ZCCHC2: variants seen among roughly 807,000 people sequenced by gnomAD.
ZCCHC2 encodes the protein zinc finger CCHC-type containing 2.
Under a neutral mutation model 103.6 loss-of-function variants are expected in ZCCHC2, and 39 were observed. The observed-to-expected ratio is 0.38, with a 90% CI of 0.29 to 0.49. The LOEUF is 0.49. Among genes scored for constraint, ZCCHC2 ranks in the 20% least tolerant of loss-of-function variants. ZCCHC2 has a pLI of 0.96. For missense variants in ZCCHC2, 1,483 were observed against 1,491.0 expected, an observed-to-expected ratio of 0.99 and a Z score of 0.09; for synonymous variants, 687 against 608.9, an observed-to-expected ratio of 1.13 and a Z score of -1.89.
At chr18:62,543,323 C>T (rs1915280205) in intron 3 of ZCCHC2, among the ~76,000 whole-genome samples, 1 of 152,148 alleles carries the variant, frequency 6.6e-6, no homozygotes, top group African/African-American at 2.4e-5. Context: ...ATACTCTGCC[C>T]TCGTACCTTT....
Position 62,575,562 on chromosome 18 carries a change from A to C in ZCCHC2, c.3469+12A>C, listed in dbSNP as rs76880909. On this transcript the variant is annotated intron_variant, in intron 13 of 13. Transcript: ENST00000269499. ...GGCCAATCAACAAGGTAATCACAAT[A>C]ACTCCCAGAGGACTTGTTTTTGAGT... is the stretch of plus-strand genomic sequence containing the variant. 0.021 allele frequency: 33,578 copies of C among 1,608,986 alleles called. 415 individuals carry two copies. Among genetic ancestry groups the C allele is most frequent in the Non-Finnish European group, 0.024 (28,128 of 1,176,466 alleles).
exon 15 of ZCCHC2, chr18:62,585,688 A>T (rs1461371387): frequency 6.6e-6 from 1 of 152,266 alleles, no homozygotes. Flanking sequence ...CTCGCGTTGT[A>T]GAGTAGTTGC....
chr18:62,528,862 A>C (rs945028095), intron 1 of ZCCHC2, among the ~76,000 whole-genome samples: 1 of 151,878 alleles, frequency 6.6e-6, no homozygotes, highest in African/African-American at 2.4e-5. Context: ...AGCAGGCACT[A>C]AAAAAGATGA....
downstream of ZCCHC2, among the ~76,000 whole-genome samples, chr18:62,579,727 C>CT (rs1011483805): frequency 2.6e-3 from 387 of 150,756 alleles, 1 homozygote; most frequent in African/African-American, 7.9e-3. Context: ...TTAGTCTTTT[C>CT]TTTTTTTTTT....
chr18:62,555,248 TTTTAC>T lies in ZCCHC2; in HGVS notation c.1314-954_1314-950del, dbSNP rs1472667192. On this transcript the variant is annotated intron_variant, in intron 5 of 13. Coordinates refer to ENST00000269499, the MANE Select transcript of ZCCHC2 (RefSeq NM_017742.6). ...GCTCTAATTCTTTGCCCAAGAGCCCTTTTACAGGTACCACTGTCGGGAAGACCTCC... is the reference window on the plus strand; with the variant it reads ...GCTCTAATTCTTTGCCCAAGAGCCCTAGGTACCACTGTCGGGAAGACCTCC... Among the ~76,000 whole-genome samples, 3 of 152,186 alleles carry T rather than the reference TTTTAC, an allele frequency of 2.0e-5. No individual in the cohort carries two copies. In the East Asian group the frequency reaches 5.8e-4, roughly 29 times the overall value.
In ZCCHC2 at chr18:62,574,579, A is replaced by G; in HGVS notation, c.2498A>G (p.Gln833Arg). ...SSESCTVNIPQQPPGSLSIAS... is the reference protein window; with the variant it reads ...SSESCTVNIPRQPPGSLSIAS... ...GAGAGCTGCACAGTTAACATCCCAC[A>G]ACAACCACCCGGAAGCCTGAGCATC... The change falls in exon 13 of 14, where the codon CAA becomes CGA. Residue 833 changes from glutamine (Q) to arginine (R), a missense_variant. Gln to Arg is a conservative substitution (Grantham distance 43). Coordinates refer to ENST00000269499, the MANE Select transcript of ZCCHC2 (RefSeq NM_017742.6). 1 of 1,613,904 alleles carries G rather than the reference A, an allele frequency of 6.2e-7. No individual in the cohort carries two copies. The highest frequency in any genetic ancestry group is 8.5e-7 in the Non-Finnish European group (1 of 1,179,872).
intron 1 of ZCCHC2, among the ~76,000 whole-genome samples, chr18:62,531,684 C>T (rs891052815): frequency 2.6e-5 from 4 of 151,594 alleles, no homozygotes; most frequent in Non-Finnish European, 5.9e-5. Flanking sequence ...CGGTGGCTCA[C>T]GCCTGTAATC....
At position 62,565,934 on chromosome 18, in the gene ZCCHC2, T is replaced by C. The variant is rs75546709; in HGVS notation, c.1846+838T>C. ...ACTGAATAGTGATGAAGAAAAAAAA[T>C]AGTTACCTTTTGAATCTGAAATAAT... is the stretch of plus-strand genomic sequence containing the variant. On this transcript the variant is annotated intron_variant, in intron 11 of 13. Transcript: ENST00000269499. Among the ~76,000 whole-genome samples, 1,298 of 152,182 alleles carry C rather than the reference T, an allele frequency of 8.5e-3. 19 individuals carry two copies. Among genetic ancestry groups the C allele is most frequent in the African/African-American group, 0.03 (1,251 of 41,492 alleles).
Position 62,523,412 on chromosome 18 carries a change from G to A in ZCCHC2, c.-13G>A. 2.2e-6 allele frequency: 2 copies of A among 918,754 alleles called. No individual in the cohort carries two copies. The highest frequency in any genetic ancestry group is 2.6e-6 in the Non-Finnish European group (2 of 758,986). The allele number at this position is 918,754 out of a possible 1,614,324, so 56.9% of individuals were successfully genotyped here. On this transcript the variant is annotated 5_prime_UTR_variant, in exon 1 of 14. Coordinates refer to ENST00000269499, the MANE Select transcript of ZCCHC2 (RefSeq NM_017742.6). The stretch of plus-strand genomic sequence containing the variant: ...CCGCCCCCGCTCGCATGTCTGCGCC[G>A]CCCTAGCCGAGGATGCTGAGGATGA...
intron 14 of ZCCHC2, among the ~76,000 whole-genome samples, chr18:62,583,749 T>C (rs939171397): frequency 6.6e-6 from 1 of 151,444 alleles, no homozygotes; most frequent in Admixed American, 6.6e-5. Context: ...GTGTGAGATA[T>C]GAAGAAATGG....
chr18:62,538,742 G>A (rs973422257), intron 1 of ZCCHC2, among the ~76,000 whole-genome samples: 2 of 152,168 alleles, frequency 1.3e-5, no homozygotes, highest in Non-Finnish European at 2.9e-5. Flanking sequence ...TTACTGTCGG[G>A]TCGGGATGTG....
rs142422088 is a variant in ZCCHC2 at position 62,553,156 on chromosome 18, ATGTGTGTGTGTGTGTG to A, written c.1313+2728_1313+2743del. Among the ~76,000 whole-genome samples the A allele has an allele frequency of 4.3e-3, 605 of 139,850 alleles. 2 individuals carry two copies. Among genetic ancestry groups the A allele is most frequent in the South Asian group, 9.4e-3 (39 of 4,128 alleles). The allele number at this position is 139,850 out of a possible 152,430, so 91.7% of individuals were successfully genotyped here. A position where few individuals can be genotyped will look rare whatever the true frequency, so the allele number is the denominator to read the frequency against. ...TGTGCACATACATGCCCTTAGATTT[ATGTGTGTGTGTGTGTG>A]TGTGTGTGTGTGTGTGTGTGTGTGT... On this transcript the variant is annotated intron_variant, in intron 5 of 13. Transcript: ENST00000269499.
chr18:62,552,841 GAT>G (rs1159698849), intron 5 of ZCCHC2, among the ~76,000 whole-genome samples: 1 of 150,182 alleles, frequency 6.7e-6, no homozygotes, highest in Non-Finnish European at 1.5e-5. Context: ...AGTGAGCTAT[GAT>G]TGCACCTCTG....
intron 1 of ZCCHC2, among the ~76,000 whole-genome samples, chr18:62,527,587 G>T (rs1460449031): frequency 3.9e-5 from 6 of 152,160 alleles, no homozygotes; most frequent in Admixed American, 3.9e-4. Flanking sequence ...TTTTTTAGGA[G>T]GCTTGTACAT....
Position 62,523,899 on chromosome 18 carries a change from G to T in ZCCHC2, c.475G>T (p.Gly159Trp). The T allele has an allele frequency of 6.5e-7, 1 of 1,539,034 alleles. No individual in the cohort carries two copies. The change falls in exon 1 of 14, where the codon GGG becomes TGG. Residue 159 changes from glycine to tryptophan, a missense_variant. By Grantham distance (184) the Gly-to-Trp change is radical. Around this residue, in one of 3 missense-constraint regions of ZCCHC2, gnomAD observed 568 missense variants for 525.1 expected, o/e 1.08. Coordinates refer to ENST00000269499, the MANE Select transcript of ZCCHC2 (RefSeq NM_017742.6). ...CAAGGCCAACGGCCTCTCGGACCCG[G>T]GGCCGCTGGCCGACTTCCGAGAGCC... ...EAKANGLSDP[G>W]PLADFREPAV...
At chr18:62,567,703 GGAGGCTGGGGCCCGGTGGATCACTT>G (rs1362409099) in intron 11 of ZCCHC2, among the ~76,000 whole-genome samples, 1 of 152,048 alleles carries the variant, frequency 6.6e-6, no homozygotes, top group Admixed American at 6.5e-5. Context: ...CAGCACTTTG[GGAGGCTGGGGCCCGGTGGATCACTT>G]GAGGTCAGGA....
chr18:62,531,791 TAAAAAAA>T (rs11315078), intron 1 of ZCCHC2, among the ~76,000 whole-genome samples: 1 of 113,482 alleles, frequency 8.8e-6, no homozygotes, highest in East Asian at 2.5e-4. Context: ...CTACAAAAAG[TAAAAAAA>T]AAAAAAAAAA....
chr18:62,555,562 A>G (rs1402659039), intron 5 of ZCCHC2, among the ~76,000 whole-genome samples: 1 of 152,156 alleles, frequency 6.6e-6, no homozygotes, highest in East Asian at 1.9e-4. Context: ...TAATCCCAGC[A>G]CTTTGAGAGG....
At chr18:62,551,078 A>G (rs1460404522) in intron 5 of ZCCHC2, 1 of 152,270 alleles carries the variant, frequency 6.6e-6, no homozygotes, top group African/African-American at 2.4e-5. Context: ...ATGAGTGTGG[A>G]TGTAGGGAAA....
Sources: allele counts gnomAD v4.1 joint callset (sites outside exome capture counted in the v4.1 genomes callset), GRCh38; gene constraint gnomAD v4.1.1; regional missense constraint gnomAD v4.1.1; transcripts MANE v1.5; gene names NCBI Gene and HGNC (gene_info 2026-07-23, HGNC 2026-07-21).